Variants in SYN3 observed in about 807,000 individuals in gnomAD.
SYN3 encodes the protein synapsin III.
SYN3 carries 35 observed loss-of-function variants against 65.8 expected under a neutral mutation model. That is an observed-to-expected ratio of 0.53 (90% CI 0.41 to 0.70). The LOEUF (loss-of-function observed/expected upper bound fraction) is 0.70, where lower values mean the gene tolerates loss of function less well. SYN3 is among the 30% of genes least tolerant of loss of function. The pLI is 0.00. For missense variants in SYN3, 680 were observed against 749.0 expected (o/e 0.91, Z 1.08); for synonymous variants, 270 against 292.9 (o/e 0.92, Z 0.80).
chr22:32,978,933 C>G (rs910642492), intron 3 of SYN3, among the ~76,000 whole-genome samples: 1 of 152,110 alleles, frequency 6.6e-6, no homozygotes, highest in African/African-American at 2.4e-5. Context: ...AATCCCAGAA[C>G]TTTAGGAGAC....
intron 7 of SYN3, among the ~76,000 whole-genome samples, chr22:32,580,456 A>G (rs2058923277): frequency 6.6e-6 from 1 of 152,004 alleles, no homozygotes; most frequent in Admixed American, 6.6e-5. Context: ...ATTTATTATT[A>G]TTTCTCTCTT....
intron 4 of SYN3, among the ~76,000 whole-genome samples, chr22:32,916,189 C>A (rs1213783590): frequency 6.6e-6 from 1 of 152,220 alleles, no homozygotes; most frequent in Non-Finnish European, 1.5e-5. Flanking sequence ...GACCTTCCAG[C>A]CCAGCCAAGC....
chr22:32,985,844 T>C (rs2052509763), intron 2 of SYN3, among the ~76,000 whole-genome samples: 2 of 151,978 alleles, frequency 1.3e-5, no homozygotes, highest in African/African-American at 4.8e-5. Context: ...GGCACTTCCT[T>C]GATTGTCTCT....
At position 32,956,912 on chromosome 22, in the gene SYN3, C is replaced by G. The variant is rs989222334; in HGVS notation, c.369+23733G>C. ...ATTCCCACATCAGTGCACAAAGGTT[C>G]CAATCTCTCCACCTTCTCACCAACA... is the stretch of plus-strand genomic sequence containing the variant. On this transcript the variant is annotated intron_variant, in intron 3 of 13. Coordinates refer to ENST00000358763, the MANE Select transcript of SYN3 (RefSeq NM_003490.4). Among the ~76,000 whole-genome samples the G allele has an allele frequency of 1.8e-4, 27 of 152,186 alleles. 1 individual carries two copies. The highest frequency in any genetic ancestry group is 6.5e-4 in the African/African-American group (27 of 41,456).
chr22:32,881,128 T>G (rs1429166229), intron 4 of SYN3, among the ~76,000 whole-genome samples: 1 of 152,166 alleles, frequency 6.6e-6, no homozygotes, highest in Non-Finnish European at 1.5e-5. Context: ...AAGGGGAACA[T>G]TATTCATCGG....
At chr22:32,836,618 G>C (rs1029307343) in intron 6 of SYN3, among the ~76,000 whole-genome samples, 1 of 152,140 alleles carries the variant, frequency 6.6e-6, no homozygotes, top group Non-Finnish European at 1.5e-5. Context: ...GTATGGGCTC[G>C]TTTTTCTCGT....
chr22:32,593,826 C>T (rs1014644614), intron 7 of SYN3, among the ~76,000 whole-genome samples: 1 of 151,942 alleles, frequency 6.6e-6, no homozygotes, highest in Non-Finnish European at 1.5e-5. Flanking sequence ...ACTCAGGGAT[C>T]GTGTGCAGAT....
chr22:32,866,858 T>C (rs1393856509), intron 5 of SYN3, among the ~76,000 whole-genome samples: 2 of 152,222 alleles, frequency 1.3e-5, no homozygotes, highest in African/African-American at 4.8e-5. Context: ...AAGTACTGAG[T>C]GTTCCAACTC....
At chr22:32,678,743 T>C (rs2147101304) in intron 6 of SYN3, among the ~76,000 whole-genome samples, 2 of 152,254 alleles carry the variant, frequency 1.3e-5, no homozygotes, top group South Asian at 4.1e-4. Context: ...CAAAACACTA[T>C]TCATCTCAGC....
chr22:32,638,085 G>A (rs2059844642), intron 6 of SYN3, among the ~76,000 whole-genome samples: 1 of 152,118 alleles, frequency 6.6e-6, no homozygotes, highest in African/African-American at 2.4e-5. Flanking sequence ...TTACTGTTCT[G>A]CATTAACTTC....
intron 6 of SYN3, among the ~76,000 whole-genome samples, chr22:32,798,832 C>T (rs1331824830): frequency 6.6e-6 from 1 of 151,870 alleles, no homozygotes; most frequent in African/African-American, 2.4e-5. Context: ...ACTGGGACTA[C>T]AGGCGCCCAC....
intron 1 of SYN3, 83 bp downstream of exon 1, chr22:33,058,208 CG>C (rs918331845): frequency 6.6e-6 from 1 of 152,230 alleles, no homozygotes; most frequent in African/African-American, 2.4e-5. Context: ...GACGCGAGAA[CG>C]CACCAGCAGC....
At position 32,921,461 on chromosome 22, in the gene SYN3, G is replaced by A. The variant is rs139650709; in HGVS notation, c.461+9929C>T. 3.1e-3 allele frequency among the ~76,000 whole-genome samples: 473 copies of A among 152,292 alleles called. 1 individual carries two copies. The highest frequency in any genetic ancestry group is 0.011 in the African/African-American group (442 of 41,562). ...CCTGGAGAAATCTCTACATACTGCT[G>A]CTTTCTGTACAGAGACTGAGTGTCC... On this transcript the variant is annotated intron_variant, in intron 4 of 13. Transcript: ENST00000358763.
chr22:32,553,784 C>G (rs1463214937), intron 7 of SYN3, among the ~76,000 whole-genome samples: 1 of 152,180 alleles, frequency 6.6e-6, no homozygotes, highest in Admixed American at 6.5e-5. Context: ...GTGCTGATCC[C>G]TAGGGCATCT....
At chr22:32,744,130 G>T (rs988188429) in intron 6 of SYN3, among the ~76,000 whole-genome samples, 2 of 152,066 alleles carry the variant, frequency 1.3e-5, no homozygotes, top group Non-Finnish European at 2.9e-5. Context: ...GTGCCCTCAG[G>T]AGTTAAGAGC....
At chr22:32,559,669 T>C (rs936180970) in intron 7 of SYN3, among the ~76,000 whole-genome samples, 1 of 151,260 alleles carries the variant, frequency 6.6e-6, no homozygotes, top group Admixed American at 6.6e-5. Flanking sequence ...ACTAAAAAAA[T>C]ACAAAAAAAT....
intron 7 of SYN3, among the ~76,000 whole-genome samples, chr22:32,554,400 A>C (rs192307517): frequency 6.6e-6 from 1 of 151,794 alleles, no homozygotes; most frequent in Admixed American, 6.6e-5. Context: ...TACCACCTTC[A>C]CCTCTCTGAA....
At chr22:32,555,386 T>C (rs927713916) in intron 7 of SYN3, among the ~76,000 whole-genome samples, 4 of 152,132 alleles carry the variant, frequency 2.6e-5, no homozygotes, top group African/African-American at 9.7e-5. Context: ...CATAAGCAAC[T>C]GAAGCTTATT....
chr22:32,940,747 A>C (rs1275777587), intron 3 of SYN3, among the ~76,000 whole-genome samples: 1 of 152,214 alleles, frequency 6.6e-6, no homozygotes, highest in Non-Finnish European at 1.5e-5. Context: ...TCAAGTTGTC[A>C]CAATTAATGT....
Sources: gnomAD v4.1 joint callset for allele counts (sites outside exome capture counted in the v4.1 genomes callset) on GRCh38, gnomAD v4.1.1 for gene constraint, MANE v1.5 for transcripts, NCBI Gene and HGNC (gene_info 2026-07-23, HGNC 2026-07-21) for gene names.